JUP: variants seen among roughly 807,000 people sequenced by gnomAD.
JUP encodes junction plakoglobin, also known as catenin (cadherin-associated protein), gamma 80kDa.
Under a neutral mutation model 71.1 loss-of-function variants are expected in JUP, and 28 were observed. The observed-to-expected ratio is 0.39, with a 90% CI of 0.29 to 0.54. The LOEUF (loss-of-function observed/expected upper bound fraction) is 0.54, where lower values mean the gene tolerates loss of function less well. Ranked by LOEUF, JUP falls within the 20% of genes least tolerant of loss-of-function variation. JUP has a pLI of 0.62. For synonymous variants in JUP, 401 were observed against 438.9 expected (o/e 0.91, Z 1.08); for missense variants, 869 against 1,030.1 (o/e 0.84, Z 2.14).
chr17:41,771,068 C>T (rs8067214), intron 2 of JUP, among the ~76,000 whole-genome samples: 2,518 of 152,300 alleles, frequency 0.017, 60 homozygotes, highest in African/African-American at 0.058. Flanking sequence ...CTCACTCTGT[C>T]GCCCAGGCTG....
Position 41,757,529 on chromosome 17 carries a change from G to T in JUP, c.1932C>A (p.Tyr644Ter). 6.2e-7 allele frequency: 1 copy of T among 1,614,206 alleles called. No individual in the cohort carries two copies. Residue 644 changes from tyrosine (Y) to a stop codon, truncating the protein, a stop_gained, in exon 12 of 14, where the codon TAC (tyrosine) becomes TAA (stop). Transcript: ENST00000393931. LOFTEE classifies it high-confidence loss of function. The stretch of plus-strand genomic sequence containing the variant: ...AGATGCGGAACAGGACGGCAGCAGC[G>T]TAGGTGGCTGAGCAGAGAGGAAAGG... ...LHSRNEGTAT[Y>*]AAAVLFRISE... is the part of the protein sequence containing the mutation.
intron 2 of JUP, 168 bp downstream of exon 2, chr17:41,771,479 G>T: frequency 1.5e-6 from 1 of 645,606 alleles, no homozygotes; most frequent in Non-Finnish European, 2.7e-6. Context: ...GCAGCACCCT[G>T]AAGTAGCTGC....
At chr17:41,772,787 C>G (rs1916864032) in intron 1 of JUP, 4 of 980,320 alleles carry the variant, frequency 4.1e-6, no homozygotes, top group Non-Finnish European at 4.8e-6. Context: ...GTCAGGAACC[C>G]CTCTCTCTCT....
Position 41,763,268 on chromosome 17 carries a change from G to A in JUP, c.1212C>T (p.Asp404=), listed in dbSNP as rs1482026041. Residue 404 remains aspartate, a synonymous_variant, in exon 8 of 14, where the codon GAC becomes GAT. Transcript: ENST00000393931. ...KILVNQLSVD[D]VNVLTCATGT... is the part of the protein sequence containing the mutation. ...CCGTGGCACAGGTGAGGACGTTGACGTCATCCACACTCAGCTGATTCACCA... is the reference window on the plus strand; with the variant it reads ...CCGTGGCACAGGTGAGGACGTTGACATCATCCACACTCAGCTGATTCACCA... 10 of 1,614,070 alleles carry A rather than the reference G, an allele frequency of 6.2e-6. No homozygotes were observed. The highest frequency in any genetic ancestry group is 1.6e-4 in the Middle Eastern group (1 of 6,084).
In JUP at chr17:41,755,393, C is replaced by T. The variant is rs782725604; in HGVS notation, c.*351G>A. ...GCTCAGGCACTTTTCTGTCTTGCCC[C>T]ATCGCCTGCACGGAGAGCCTCTCAG... On this transcript the variant is annotated 3_prime_UTR_variant, in exon 14 of 14. Coordinates refer to ENST00000393931, the MANE Select transcript of JUP (RefSeq NM_002230.4). 4.6e-5 allele frequency: 19 copies of T among 409,478 alleles called. No individual in the cohort carries two copies. Among genetic ancestry groups the T allele is most frequent in the African/African-American group, 1.0e-4 (5 of 48,704 alleles). The allele number at this position is 409,478 out of a possible 1,614,324, so 25.4% of individuals were successfully genotyped here.
At chr17:41,758,239 C>T (rs1426555526) in intron 10 of JUP, 160 bp downstream of exon 10, 1 of 775,958 alleles carries the variant, frequency 1.3e-6, no homozygotes. Context: ...CATGCCCATG[C>T]AGGGGGTTGC....
intron 1 of JUP, 82 bp from the exon 2 acceptor site, chr17:41,771,944 T>G (rs1251248842): frequency 1.7e-6 from 2 of 1,156,538 alleles, no homozygotes; most frequent in South Asian, 1.3e-5. Flanking sequence ...AAGCCCCGCC[T>G]GTCTTCCCAC....
At chr17:41,756,042 TG>T in intron 13 of JUP, 132 bp downstream of exon 13, 2 of 1,324,950 alleles carry the variant, frequency 1.5e-6, no homozygotes, top group Non-Finnish European at 2.1e-6. Context: ...GCATCTAGAC[TG>T]GGGTACATGT....
chr17:41,762,174 A>AGT (rs1914984789), intron 8 of JUP, among the ~76,000 whole-genome samples: 4 of 42,364 alleles, frequency 9.4e-5, no homozygotes, highest in East Asian at 8.2e-4. Flanking sequence ...AGAGAGAGAG[A>AGT]GAGTGTGTGT....
intron 1 of JUP, chr17:41,775,890 C>T (rs2046860635): frequency 4.8e-6 from 4 of 824,922 alleles, no homozygotes; most frequent in Non-Finnish European, 5.9e-6. Flanking sequence ...GCAGCCAACC[C>T]AGAGGGCTGG....
intron 1 of JUP, among the ~76,000 whole-genome samples, chr17:41,779,280 T>G (rs1435410654): frequency 6.6e-6 from 1 of 151,468 alleles, no homozygotes; most frequent in Non-Finnish European, 1.5e-5. Context: ...AGTTGCTTTT[T>G]AGGATTATGG....
At position 41,777,117 on chromosome 17, in the gene JUP, C is replaced by T. The variant is rs554105539; in HGVS notation, c.-8-5255G>A. Among the ~76,000 whole-genome samples, 16 of 152,310 alleles carry T rather than the reference C, an allele frequency of 1.1e-4. No homozygotes were observed. The South Asian group carries it at 3.3e-3, about 32-fold the overall frequency. On this transcript the variant is annotated intron_variant, in intron 1 of 13. Coordinates refer to ENST00000393931, the MANE Select transcript of JUP (RefSeq NM_002230.4). ...GGGAGCCCTGGCTGCTTTCTCTGAC[C>T]CCTGAGATGGGGACTAGGTAGGGAG...
At chr17:41,756,351 GC>G in intron 12 of JUP, 137 bp from the exon 13 acceptor site, 5 of 819,426 alleles carry the variant, frequency 6.1e-6, no homozygotes, top group South Asian at 1.5e-5. Context: ...TGTAATCCCA[GC>G]ACTCTGGGAG....
At chr17:41,773,032 C>T (rs1232973968) in intron 1 of JUP, 20 of 975,790 alleles carry the variant, frequency 2.0e-5, no homozygotes, top group South Asian at 4.7e-5. Flanking sequence ...ATGCACTGGT[C>T]CCCCGCGTAC....
intron 1 of JUP, among the ~76,000 whole-genome samples, chr17:41,776,773 A>G (rs1252240875): frequency 6.6e-6 from 1 of 152,068 alleles, no homozygotes; most frequent in African/African-American, 2.4e-5. Context: ...TTGGGAGGCC[A>G]AGGTGGGTGG....
In JUP at chr17:41,769,685, C is replaced by T. The variant is rs1165044090; in HGVS notation, c.209-8G>A. ...TCTGGTACTCCAGATCACCTGGGGGCCATGGGGACAGGGACTGAGTGCAGG... is the reference window on the plus strand; with the variant it reads ...TCTGGTACTCCAGATCACCTGGGGGTCATGGGGACAGGGACTGAGTGCAGG... On this transcript the variant is annotated splice_region_variant and splice_polypyrimidine_tract_variant and intron_variant, in intron 2 of 13. Coordinates refer to ENST00000393931, the MANE Select transcript of JUP (RefSeq NM_002230.4). The T allele has an allele frequency of 1.1e-5, 17 of 1,606,906 alleles. No individual in the cohort carries two copies. The highest frequency in any genetic ancestry group is 1.7e-5 in the Admixed American group (1 of 59,140).
intron 13 of JUP, 45 bp from the exon 14 acceptor site, chr17:41,755,940 C>A (rs1027571736): frequency 4.4e-6 from 7 of 1,580,710 alleles, no homozygotes; most frequent in Non-Finnish European, 6.0e-6. Context: ...TGCAAGCTAC[C>A]CTGCAGGGAG....
Position 41,769,457 on chromosome 17 carries a change from G to A in JUP, c.429C>T (p.Ala143=), listed in dbSNP as rs782607435. 6.2e-7 allele frequency: 1 copy of A among 1,613,066 alleles called. No individual in the cohort carries two copies. The highest frequency in any genetic ancestry group is 8.5e-7 in the Non-Finnish European group (1 of 1,179,710). The change falls in exon 3 of 14, where the codon GCC becomes GCT. Residue 143 remains alanine (A), a synonymous_variant. Transcript: ENST00000393931. ...YQDDAELATR[A]LPELTKLLND... is the part of the protein sequence containing the mutation. ...TGAGCAGTTTGGTGAGCTCGGGCAG[G>A]GCGCGAGTGGCCAGCTCGGCATCGT...
In JUP at chr17:41,757,654, T is replaced by C. The variant is rs782800143; in HGVS notation, c.1904A>G (p.His635Arg). The C allele has an allele frequency of 6.2e-7, 1 of 1,613,336 alleles. No homozygotes were observed. ...GASAPLMELL[H>R]SRNEGTATYA... ...CTCACCAGTGCCCTCGTTGCGGGAG[T>C]GCAGCAACTCCATGAGTGGGGCCGA... Residue 635 changes from histidine (H) to arginine (R), a missense_variant, in exon 11 of 14, where the codon CAC (histidine) becomes CGC (arginine). By Grantham distance (29) the His-to-Arg change is conservative (BLOSUM62 0). Coordinates refer to ENST00000393931, the MANE Select transcript of JUP (RefSeq NM_002230.4).
Sources: gnomAD v4.1 joint callset for allele counts (sites outside exome capture counted in the v4.1 genomes callset) on GRCh38, gnomAD v4.1.1 for gene constraint, MANE v1.5 for transcripts, NCBI Gene and HGNC (gene_info 2026-07-23, HGNC 2026-07-21) for gene names.